Variants in DLAT observed in about 807,000 individuals in gnomAD.
DLAT encodes the protein dihydrolipoamide S-acetyltransferase.
Under a neutral mutation model 68.0 loss-of-function variants are expected in DLAT, and 43 were observed. The observed-to-expected ratio is 0.63, with a 90% CI of 0.50 to 0.81. The LOEUF (loss-of-function observed/expected upper bound fraction) is 0.81. Among genes scored for constraint, DLAT ranks in the 40% least tolerant of loss-of-function variants. The pLI, the probability that DLAT is intolerant of heterozygous loss-of-function variation, is 0.00. For synonymous variants in DLAT, 265 were observed against 288.6 expected (o/e 0.92, Z 0.83); for missense variants, 745 against 815.4 (o/e 0.91, Z 1.05).
At position 112,062,552 on chromosome 11, in the gene DLAT, TA is replaced by T; in HGVS notation, c.*20del. ...TTGTTGTAACTAACTCAAGAATTTC[TA>T]AACTCTCCCAGGTCACACTGATTCA... On this transcript the variant is annotated 3_prime_UTR_variant, in exon 14 of 14. Transcript: ENST00000280346. 1 of 1,611,864 alleles carries T rather than the reference TA, an allele frequency of 6.2e-7. No individual in the cohort carries two copies. The highest frequency in any genetic ancestry group is 8.5e-7 in the Non-Finnish European group (1 of 1,179,654).
intron 6 of DLAT, 147 bp from the exon 7 acceptor site, chr11:112,039,097 A>G: frequency 1.3e-6 from 1 of 746,298 alleles, no homozygotes; most frequent in Non-Finnish European, 2.0e-6. Flanking sequence ...TAAGCTGGCG[A>G]AAAGTACATT....
intron 11 of DLAT, among the ~76,000 whole-genome samples, chr11:112,052,375 G>T (rs1863699946): frequency 6.6e-6 from 1 of 151,658 alleles, no homozygotes; most frequent in Non-Finnish European, 1.5e-5. Flanking sequence ...CCTCACTTCA[G>T]ATGCCAGTCA....
intron 10 of DLAT, among the ~76,000 whole-genome samples, chr11:112,047,914 G>C (rs879996674): frequency 1.3e-5 from 2 of 152,110 alleles, no homozygotes; most frequent in Admixed American, 1.3e-4. Context: ...CTCCAGCTTT[G>C]TTCTTTTTGC....
chr11:112,043,369 TA>T, intron 7 of DLAT, 96 bp from the exon 8 acceptor site: 2 of 1,163,548 alleles, frequency 1.7e-6, no homozygotes, highest in Non-Finnish European at 2.6e-6. Flanking sequence ...TTTTTGGTAG[TA>T]AACCCTTAGG....
In DLAT at chr11:112,051,819, C is replaced by T. The variant is rs1863655604; in HGVS notation, c.1514+470C>T. Among the ~76,000 whole-genome samples, 1 of 152,160 alleles carries T rather than the reference C, an allele frequency of 6.6e-6. No individual in the cohort carries two copies. Among genetic ancestry groups the T allele is most frequent in the Non-Finnish European group, 1.5e-5 (1 of 68,022 alleles). Reference sequence around the variant, plus strand: ...GTGTAATTAAGTTGATAATGACTGTCACAAAGCAGGGTTAAACAGATGATT... The same window carrying T: ...GTGTAATTAAGTTGATAATGACTGTTACAAAGCAGGGTTAAACAGATGATT... On this transcript the variant is annotated intron_variant, in intron 11 of 13. Transcript: ENST00000280346. The surrounding 1 kb of genome is among the most constrained non-coding windows in gnomAD (Gnocchi z 4.3).
intron 5 of DLAT, among the ~76,000 whole-genome samples, chr11:112,035,409 G>A (rs1415863982): frequency 6.6e-6 from 1 of 152,084 alleles, no homozygotes; most frequent in Non-Finnish European, 1.5e-5. Flanking sequence ...TGTCACTATA[G>A]AGACTAGTCA....
chr11:112,059,357 T>G (rs1416988807), intron 11 of DLAT, among the ~76,000 whole-genome samples: 1 of 151,430 alleles, frequency 6.6e-6, no homozygotes, highest in Non-Finnish European at 1.5e-5. Flanking sequence ...CTCATTCTTT[T>G]TTTTTTTTTT....
intron 10 of DLAT, among the ~76,000 whole-genome samples, chr11:112,047,095 A>C (rs1360791614): frequency 6.6e-6 from 1 of 152,222 alleles, no homozygotes; most frequent in Non-Finnish European, 1.5e-5. Context: ...AACAGTGTAA[A>C]AGCGTTCCTA....
In DLAT at chr11:112,051,406, G is replaced by A. The variant is rs1863624117; in HGVS notation, c.1514+57G>A. On this transcript the variant is annotated intron_variant, in intron 11 of 13. Transcript: ENST00000280346. The surrounding 1 kb of genome is among the most constrained non-coding windows in gnomAD (Gnocchi z 4.3). Reference sequence around the variant, plus strand: ...CGGTAGTTTTCTTGTATTATTTAATGTGTGAGTGGAGTTGAGGGGATAAGG... The same window carrying A: ...CGGTAGTTTTCTTGTATTATTTAATATGTGAGTGGAGTTGAGGGGATAAGG... 2.3e-6 allele frequency: 3 copies of A among 1,283,248 alleles called. No homozygotes were observed. Among genetic ancestry groups the A allele is most frequent in the Non-Finnish European group, 3.4e-6 (3 of 883,596 alleles). 79.5% of individuals were successfully genotyped at this position (1,283,248 alleles called of 1,614,324 possible). A position where few individuals can be genotyped will look rare whatever the true frequency, so the allele number is the denominator to read the frequency against.
In DLAT at chr11:112,039,644, C is replaced by G. The variant is rs374082183; in HGVS notation, c.1129+247C>G. Among the ~76,000 whole-genome samples the G allele has an allele frequency of 8.0e-4, 121 of 151,302 alleles. No individual in the cohort carries two copies. In the South Asian group the frequency reaches 0.024, roughly 30 times the overall value. ...CACTTTAGATACCTTTTTTTTTCCT[C>G]TTCTATTCATGGAAACTGCTTGTTT... On this transcript the variant is annotated intron_variant, in intron 7 of 13. Transcript: ENST00000280346.
intron 11 of DLAT, among the ~76,000 whole-genome samples, chr11:112,056,688 C>T (rs1013705340): frequency 8.6e-5 from 13 of 151,966 alleles, no homozygotes; most frequent in African/African-American, 2.7e-4. Context: ...CAGTAGATTC[C>T]TAGGAGTGGA....
At chr11:112,036,201 G>GTCTTTTTTT in intron 5 of DLAT, among the ~76,000 whole-genome samples, 1 of 36,474 alleles carries the variant, frequency 2.7e-5, no homozygotes, top group Non-Finnish European at 5.1e-5. Flanking sequence ...GTGTGTGTGT[G>GTCTTTTTTT]TTTTTTTTTT....
chr11:112,059,863 TA>T, intron 11 of DLAT, 39 bp from the exon 12 acceptor site: 1 of 1,508,722 alleles, frequency 6.6e-7, no homozygotes, highest in East Asian at 2.5e-5. Context: ...AGGCTCTTAA[TA>T]AACAGTTTTT....
rs1863147548 is a variant in DLAT, at chr11:112,043,460, T to G, written c.1130-6T>G. The G allele has an allele frequency of 1.9e-6, 3 of 1,613,660 alleles. No individual in the cohort carries two copies. The highest frequency in any genetic ancestry group is 2.5e-6 in the Non-Finnish European group (3 of 1,179,546). On this transcript the variant is annotated splice_polypyrimidine_tract_variant and splice_region_variant and intron_variant, in intron 7 of 13. Transcript: ENST00000280346. ...ATCATGTATGTGATATTTATGTCTC[T>G]TACAGGGACAGGACCAGATGGTAGA...
In DLAT at chr11:112,037,303, C is replaced by A; in HGVS notation, c.818C>A (p.Ala273Glu). The change falls in exon 6 of 14, where the codon GCA (alanine) becomes GAA (glutamate). Residue 273 changes from alanine (A) to glutamate (E), a missense_variant. Physicochemically the swap from Ala to Glu is moderately radical, Grantham distance 107. Coordinates refer to ENST00000280346, the MANE Select transcript of DLAT (RefSeq NM_001931.5). ...GAAGTACAGGAAGAAGGTTATCTGG[C>A]AAAAATCCTGGTCCCTGAAGGCACA... ...GFEVQEEGYL[A>E]KILVPEGTRD... 6.2e-7 allele frequency: 1 copy of A among 1,614,102 alleles called. No individual in the cohort carries two copies. Among genetic ancestry groups the A allele is most frequent in the Non-Finnish European group, 8.5e-7 (1 of 1,179,994 alleles).
At chr11:112,053,599 T>C (rs1167206709) in intron 11 of DLAT, among the ~76,000 whole-genome samples, 2 of 151,830 alleles carry the variant, frequency 1.3e-5, no homozygotes, top group Non-Finnish European at 2.9e-5. Context: ...ATTACAGGCA[T>C]GCGCCACCAC....
At chr11:112,055,334 C>T (rs1555182392) in intron 11 of DLAT, among the ~76,000 whole-genome samples, 3 of 148,532 alleles carry the variant, frequency 2.0e-5, no homozygotes, top group Admixed American at 6.9e-5. Context: ...ACCTCCGCCT[C>T]GTGGGTTCAT....
chr11:112,051,677 G>A lies in DLAT; in HGVS notation c.1514+328G>A, dbSNP rs1863641986. On this transcript the variant is annotated intron_variant, in intron 11 of 13. Transcript: ENST00000280346. This position sits in a 1 kb window ranked among gnomAD's most constrained non-coding sequence, Gnocchi z 4.3. ...AATTCTACAGCCTCGGCCTCCCAAAGTTCTGGGATTTCAGGTGTGAGCCAC... is the reference window on the plus strand; with the variant it reads ...AATTCTACAGCCTCGGCCTCCCAAAATTCTGGGATTTCAGGTGTGAGCCAC... Among the ~76,000 whole-genome samples, 1 of 152,042 alleles carries A rather than the reference G, an allele frequency of 6.6e-6. No individual in the cohort carries two copies. Among genetic ancestry groups the A allele is most frequent in the African/African-American group, 2.4e-5 (1 of 41,374 alleles).
chr11:112,062,647 T>G lies in DLAT; in HGVS notation c.*112T>G. On this transcript the variant is annotated 3_prime_UTR_variant, in exon 14 of 14. Transcript: ENST00000280346. ...TTATTTTAACCAGTTATTTTTATTA[T>G]TGAGTCTGTCCAGATAAGTTATTTA... The G allele has an allele frequency of 1.6e-6, 2 of 1,275,804 alleles. No homozygotes were observed. The highest frequency in any genetic ancestry group is 2.6e-5 in the South Asian group (2 of 78,422). The allele number at this position is 1,275,804 out of a possible 1,614,324, so 79.0% of individuals were successfully genotyped here. A position where few individuals can be genotyped will look rare whatever the true frequency, so the allele number is the denominator to read the frequency against.
Sources: gnomAD v4.1 joint callset for allele counts (sites outside exome capture counted in the v4.1 genomes callset) on GRCh38, gnomAD v4.1.1 for gene constraint, Gnocchi (gnomAD v3.1) non-coding constraint, MANE v1.5 for transcripts, NCBI Gene and HGNC (gene_info 2026-07-23, HGNC 2026-07-21) for gene names.